STPG2: variants seen among roughly 807,000 people sequenced by gnomAD.
STPG2 encodes the protein sperm-tail PG-rich repeat-containing protein 2.
Under a neutral mutation model 54.2 loss-of-function variants are expected in STPG2, and 56 were observed. The observed-to-expected ratio is 1.03, with a 90% confidence interval of 0.83 to 1.29. STPG2 has a LOEUF of 1.29. Ranked by LOEUF, STPG2 falls within the 50% of genes most tolerant of loss-of-function variation. STPG2 has a pLI of 0.00. For missense variants in STPG2, 596 were observed against 544.9 expected (o/e 1.09, Z -0.93); for synonymous variants, 200 against 181.8 (o/e 1.10, Z -0.81).
At chr4:97,720,266 C>A (rs923002582) in intron 9 of STPG2, among the ~76,000 whole-genome samples, 5 of 151,768 alleles carry the variant, frequency 3.3e-5, no homozygotes, top group East Asian at 1.9e-4. Context: ...ATTAAAAAAA[C>A]CAGCTCAGAG....
At chr4:97,727,780 T>C (rs778233377) in intron 9 of STPG2, among the ~76,000 whole-genome samples, 2 of 151,680 alleles carry the variant, frequency 1.3e-5, no homozygotes, top group African/African-American at 2.4e-5. Flanking sequence ...AATTTAAAAA[T>C]TTTTGATTTC....
intron 4 of STPG2, among the ~76,000 whole-genome samples, chr4:97,481,921 A>T (rs1467582184): frequency 6.6e-6 from 1 of 151,608 alleles, no homozygotes; most frequent in African/African-American, 2.4e-5. Context: ...CTTGCTTCTC[A>T]TTTGAGGGCA....
At chr4:97,989,029 C>A (rs1734916733) in intron 5 of STPG2, among the ~76,000 whole-genome samples, 1 of 152,052 alleles carries the variant, frequency 6.6e-6, no homozygotes, top group South Asian at 2.1e-4. Context: ...ACAGAAGTAT[C>A]TTTTATTTTA....
At position 98,045,005 on chromosome 4, in the gene STPG2, A is replaced by G. The variant is rs570218775; in HGVS notation, c.612+60948T>C. Among the ~76,000 whole-genome samples, 9 of 152,100 alleles carry G rather than the reference A, an allele frequency of 5.9e-5. No homozygotes were observed. The South Asian group carries it at 1.7e-3, about 28-fold the overall frequency. Reference sequence around the variant, plus strand: ...GAAAGCCTCCAGTACTAGCTGTTGTAGCAGTGCCCTTCATCCAGGGCAGCT... The same window carrying G: ...GAAAGCCTCCAGTACTAGCTGTTGTGGCAGTGCCCTTCATCCAGGGCAGCT... On this transcript the variant is annotated intron_variant, in intron 5 of 10. Transcript: ENST00000295268.
chr4:97,998,808 T>C (rs1206416225), intron 5 of STPG2, among the ~76,000 whole-genome samples: 1 of 152,028 alleles, frequency 6.6e-6, no homozygotes, highest in East Asian at 1.9e-4. Flanking sequence ...CAGCAGAGTG[T>C]AAAAAACCCT....
At chr4:97,968,239 C>T (rs572372526) in intron 7 of STPG2, among the ~76,000 whole-genome samples, 21 of 151,364 alleles carry the variant, frequency 1.4e-4, no homozygotes, top group African/African-American at 4.3e-4. Flanking sequence ...CACCTCTACA[C>T]GAATTTTGAA....
At chr4:98,030,812 C>G (rs1248025869) in intron 5 of STPG2, among the ~76,000 whole-genome samples, 1 of 152,140 alleles carries the variant, frequency 6.6e-6, no homozygotes, top group East Asian at 1.9e-4. Flanking sequence ...TTAAACGGTG[C>G]TGAGATAACT....
At chr4:97,743,688 A>G (rs1725336718) in intron 9 of STPG2, among the ~76,000 whole-genome samples, 2 of 151,668 alleles carry the variant, frequency 1.3e-5, no homozygotes, top group Non-Finnish European at 3.0e-5. Context: ...AGAAATTTCA[A>G]TGGAATGGAA....
intron 10 of STPG2, among the ~76,000 whole-genome samples, chr4:97,658,268 A>T (rs1379958006): frequency 6.6e-6 from 1 of 152,236 alleles, no homozygotes; most frequent in African/African-American, 2.4e-5. Flanking sequence ...TTAAAGAAAA[A>T]TGTACAATAA....
At chr4:97,845,410 G>C (rs1195887051) in intron 8 of STPG2, among the ~76,000 whole-genome samples, 2 of 152,012 alleles carry the variant, frequency 1.3e-5, no homozygotes, top group African/African-American at 4.8e-5. Flanking sequence ...GATCTCTTAA[G>C]ATAGAATAGA....
At chr4:97,478,490 C>T (rs1237039945) in intron 4 of STPG2, among the ~76,000 whole-genome samples, 8 of 152,054 alleles carry the variant, frequency 5.3e-5, no homozygotes, top group Non-Finnish European at 8.8e-5. Context: ...TTATGATAAC[C>T]TTGATGACTG....
At chr4:97,522,757 A>C (rs1731208145) in intron 4 of STPG2, among the ~76,000 whole-genome samples, 1 of 151,972 alleles carries the variant, frequency 6.6e-6, no homozygotes, top group Non-Finnish European at 1.5e-5. Flanking sequence ...TTACACTGGC[A>C]AATGTTTTGG....
In STPG2 at chr4:97,792,952, G is replaced by A. The variant is rs1221271831; in HGVS notation, c.1204+47821C>T. Among the ~76,000 whole-genome samples, 20 of 152,062 alleles carry A rather than the reference G, an allele frequency of 1.3e-4. 1 individual carries two copies. Among genetic ancestry groups the A allele is most frequent in the Non-Finnish European group, 2.9e-4 (20 of 68,004 alleles). ...AGATTGCATGAGGTCAGGAGTTCGA[G>A]ACCAGCCTGGCCAACATGGTGAGAC... On this transcript the variant is annotated intron_variant, in intron 9 of 10. Coordinates refer to ENST00000295268, the MANE Select transcript of STPG2 (RefSeq NM_174952.3).
At chr4:97,755,827 G>A (rs530165967) in intron 9 of STPG2, among the ~76,000 whole-genome samples, 1 of 152,224 alleles carries the variant, frequency 6.6e-6, no homozygotes, top group Non-Finnish European at 1.5e-5. Flanking sequence ...TCTATTCCAT[G>A]TTCTTTGGTT....
intron 9 of STPG2, among the ~76,000 whole-genome samples, chr4:97,763,303 G>A (rs1195076721): frequency 6.6e-6 from 1 of 152,142 alleles, no homozygotes; most frequent in African/African-American, 2.4e-5. Flanking sequence ...ATTTAAGCAT[G>A]CTGCCCTAAC....
chr4:97,582,124 C>G (rs1732877730), intron 10 of STPG2, among the ~76,000 whole-genome samples: 1 of 151,980 alleles, frequency 6.6e-6, no homozygotes. Context: ...CTGCCCCAAC[C>G]CCATCTCCTA....
chr4:97,777,029 T>C (rs1293369218), intron 9 of STPG2, among the ~76,000 whole-genome samples: 1 of 152,214 alleles, frequency 6.6e-6, no homozygotes, highest in African/African-American at 2.4e-5. Flanking sequence ...AAAGAGATTT[T>C]AAGTACTTTG....
chr4:97,978,003 A>G (rs1479958784), intron 6 of STPG2, among the ~76,000 whole-genome samples: 1 of 152,178 alleles, frequency 6.6e-6, no homozygotes, highest in Admixed American at 6.5e-5. Context: ...GAAAATACCT[A>G]ATGAACTGCT....
intron 10 of STPG2, among the ~76,000 whole-genome samples, chr4:97,636,539 T>C (rs1261288469): frequency 6.7e-5 from 10 of 148,636 alleles, no homozygotes; most frequent in Non-Finnish European, 1.2e-4. Context: ...TTCAAAAAAT[T>C]AATGAATCCA....
Sources: allele counts gnomAD v4.1 joint callset (sites outside exome capture counted in the v4.1 genomes callset), GRCh38; gene constraint gnomAD v4.1.1; transcripts MANE v1.5; gene names NCBI Gene and HGNC (gene_info 2026-07-23, HGNC 2026-07-21).